The following TMEM268 variants were observed in gnomAD, a reference collection of about 807,000 sequenced individuals.
TMEM268 encodes the protein transmembrane protein C9orf91.
A neutral mutation model predicts 39.1 loss-of-function variants in TMEM268; 24 were observed. That is an observed-to-expected ratio of 0.61 (90% CI 0.44 to 0.86). TMEM268 has a LOEUF of 0.86. Among genes scored for constraint, TMEM268 ranks in the 40% least tolerant of loss-of-function variants. The pLI, the probability that TMEM268 is intolerant of heterozygous loss-of-function variation, is 0.00. For missense variants in TMEM268, 409 were observed against 428.6 expected, an observed-to-expected ratio of 0.95 and a Z score of 0.40; for synonymous variants, 176 against 173.5, an observed-to-expected ratio of 1.01 and a Z score of -0.12.
intron 8 of TMEM268, 43 bp downstream of exon 8, chr9:114,638,769 G>A (rs1300176071): frequency 2.1e-6 from 3 of 1,456,582 alleles, no homozygotes; most frequent in Non-Finnish European, 2.7e-6. Flanking sequence ...TCCCTCGGGG[G>A]AATTTGCATA....
chr9:114,630,279 TATCCATCC>T (rs57970569), intron 5 of TMEM268, among the ~76,000 whole-genome samples: 8 of 148,110 alleles, frequency 5.4e-5, no homozygotes, highest in Admixed American at 2.0e-4. Flanking sequence ...AATATATATC[TATCCATCC>T]ATCCATCCAT....
At chr9:114,627,735 G>A (rs986447284) in intron 4 of TMEM268, among the ~76,000 whole-genome samples, 2 of 152,152 alleles carry the variant, frequency 1.3e-5, no homozygotes, top group Non-Finnish European at 2.9e-5. Flanking sequence ...TTTTACAGAT[G>A]AGGAAACTGA....
chr9:114,615,987 C>T (rs146034084), intron 1 of TMEM268, among the ~76,000 whole-genome samples: 157 of 146,668 alleles, frequency 1.1e-3, no homozygotes, highest in African/African-American at 3.3e-3. Context: ...CCACCGTGCT[C>T]GGCCTACTTT....
chr9:114,628,293 C>T lies in TMEM268; in HGVS notation c.474+43C>T, dbSNP rs115691052. 334 of 1,589,204 alleles carry T rather than the reference C, an allele frequency of 2.1e-4. 2 individuals are homozygous for T. In the African/African-American group the frequency reaches 3.8e-3, roughly 18 times the overall value. On this transcript the variant is annotated intron_variant, in intron 5 of 8. Transcript: ENST00000288502. ...CCCTGCCACACTCTCTCCAGAAGAG[C>T]GGTGCAGGCGTGAGAATCAGATTTT...
chr9:114,634,620 C>T (rs1254786483), intron 6 of TMEM268, among the ~76,000 whole-genome samples: 4 of 152,178 alleles, frequency 2.6e-5, no homozygotes, highest in African/African-American at 9.7e-5. Context: ...CTCCTTGGCA[C>T]CACATCTGCA....
intron 2 of TMEM268, among the ~76,000 whole-genome samples, chr9:114,621,768 A>G (rs567597340): frequency 6.6e-6 from 1 of 152,124 alleles, no homozygotes; most frequent in South Asian, 2.1e-4. Flanking sequence ...GGTGGGGGAG[A>G]ACATCATGTT....
chr9:114,625,517 T>C (rs1280604260), intron 3 of TMEM268, among the ~76,000 whole-genome samples: 1 of 150,344 alleles, frequency 6.7e-6, no homozygotes, highest in Non-Finnish European at 1.5e-5. Flanking sequence ...CAATCTGGGC[T>C]CACTGCAACC....
At chr9:114,628,389 A>G in intron 5 of TMEM268, 139 bp downstream of exon 5, 2 of 877,302 alleles carry the variant, frequency 2.3e-6, no homozygotes. Flanking sequence ...CCAGTGACTA[A>G]AAGAAATCAA....
chr9:114,612,076 T>G (rs1845522704), intron 1 of TMEM268, among the ~76,000 whole-genome samples: 1 of 152,122 alleles, frequency 6.6e-6, no homozygotes, highest in Non-Finnish European at 1.5e-5. Flanking sequence ...GTCTCAAGGT[T>G]TTTCCGCCCC....
intron 3 of TMEM268, among the ~76,000 whole-genome samples, chr9:114,626,396 T>C (rs180826048): frequency 2.9e-4 from 44 of 152,386 alleles, no homozygotes; most frequent in Admixed American, 2.3e-3. Flanking sequence ...TAGATATTGA[T>C]ATTGCAGTAT....
At chr9:114,612,745 C>G (rs569002427) in intron 1 of TMEM268, among the ~76,000 whole-genome samples, 2 of 152,284 alleles carry the variant, frequency 1.3e-5, no homozygotes, top group African/African-American at 4.8e-5. Flanking sequence ...GAACCCTTCC[C>G]CCACCCCAAC....
At chr9:114,632,006 T>C (rs7034112) in intron 5 of TMEM268, among the ~76,000 whole-genome samples, 104,086 of 150,540 alleles carry the variant, frequency 0.69, 36,016 homozygotes, top group East Asian at 0.74. Flanking sequence ...GAGGCTGAGG[T>C]AGGAAGATCT....
chr9:114,633,790 G>C lies in TMEM268; in HGVS notation c.497G>C (p.Arg166Thr). ...CAGGCCAACACCAACACGGACCTGAGGCTGGCAGCTGCCAATGGAGCCCTC... is the reference window on the plus strand; with the variant it reads ...CAGGCCAACACCAACACGGACCTGACGCTGGCAGCTGCCAATGGAGCCCTC... The part of the protein sequence containing the change: ...QKKANTNTDL[R>T]LAAANGALLR... The change falls in exon 6 of 9, where the codon AGG (arginine) becomes ACG (threonine). Residue 166 changes from arginine (R) to threonine (T), a missense_variant. Coordinates refer to ENST00000288502, the MANE Select transcript of TMEM268 (RefSeq NM_153045.4). 1 of 1,600,806 alleles carries C rather than the reference G, an allele frequency of 6.2e-7. No individual in the cohort carries two copies. The highest frequency in any genetic ancestry group is 8.5e-7 in the Non-Finnish European group (1 of 1,173,662).
chr9:114,642,166 C>T (rs1468906226), intron 8 of TMEM268, among the ~76,000 whole-genome samples: 1 of 152,110 alleles, frequency 6.6e-6, no homozygotes, highest in Non-Finnish European at 1.5e-5. Context: ...AAGCTCTGTG[C>T]TCATTAAACA....
At chr9:114,632,098 C>CAA (rs57460241) in intron 5 of TMEM268, among the ~76,000 whole-genome samples, 104 of 77,288 alleles carry the variant, frequency 1.3e-3, no homozygotes, top group South Asian at 7.2e-3. Context: ...ACTAGGTCTC[C>CAA]AAAAAAAAAA....
intron 6 of TMEM268, among the ~76,000 whole-genome samples, chr9:114,636,196 A>G (rs1328409211): frequency 6.6e-6 from 1 of 152,136 alleles, no homozygotes; most frequent in African/African-American, 2.4e-5. Flanking sequence ...CAGCCTGGTT[A>G]AATTTAGCTT....
chr9:114,627,105 G>A, intron 4 of TMEM268, 99 bp downstream of exon 4: 3 of 839,768 alleles, frequency 3.6e-6, no homozygotes, highest in Admixed American at 4.1e-5. Context: ...TGGGTCAGGG[G>A]CTTGGGGGCT....
In TMEM268 at chr9:114,638,652, G is replaced by A. The variant is rs771382523; in HGVS notation, c.775G>A (p.Gly259Ser). Residue 259 changes from glycine to serine, a missense_variant, in exon 8 of 9, where the codon GGC (glycine) becomes AGC (serine). Physicochemically the swap from Gly to Ser is moderately conservative, Grantham distance 56. Transcript: ENST00000288502. ...CTTGGAGGATGCTCCTCTCCTGCCC[G>A]GCAATTCTTGTCCTAACGAGAGGCC... ...ENLEDAPLLP[G>S]NSCPNERPLM... is the part of the protein sequence containing the mutation. The A allele has an allele frequency of 6.2e-6, 10 of 1,609,796 alleles. No individual in the cohort carries two copies. Among genetic ancestry groups the A allele is most frequent in the East Asian group, 2.3e-5 (1 of 44,434 alleles).
intron 1 of TMEM268, among the ~76,000 whole-genome samples, chr9:114,612,460 T>C (rs1265635703): frequency 6.6e-6 from 1 of 152,204 alleles, no homozygotes; most frequent in African/African-American, 2.4e-5. Flanking sequence ...TGACCTTCTG[T>C]GTTATCCTCG....
Sources: allele counts gnomAD v4.1 joint callset (sites outside exome capture counted in the v4.1 genomes callset), GRCh38; gene constraint gnomAD v4.1.1; transcripts MANE v1.5; gene names NCBI Gene and HGNC (gene_info 2026-07-23, HGNC 2026-07-21).